The following MTA3 variants were observed in gnomAD, a reference collection of about 807,000 sequenced individuals.
MTA3 encodes the protein metastasis associated 1 family member 3.
A neutral mutation model predicts 83.5 loss-of-function variants in MTA3; 34 were observed. The observed-to-expected ratio is 0.41, with a 90% confidence interval of 0.31 to 0.54. The LOEUF (loss-of-function observed/expected upper bound fraction) is 0.54. Ranked by LOEUF, MTA3 falls within the 20% of genes least tolerant of loss-of-function variation. The pLI is 0.33. For missense variants in MTA3, 761 were observed against 726.4 expected, an observed-to-expected ratio of 1.05 and a Z score of -0.55; for synonymous variants, 303 against 252.7, an observed-to-expected ratio of 1.20 and a Z score of -1.89.
intron 16 of MTA3, among the ~76,000 whole-genome samples, chr2:42,726,495 TC>T (rs1337522481): frequency 5.3e-5 from 8 of 152,032 alleles, no homozygotes; most frequent in African/African-American, 1.7e-4. Flanking sequence ...CCTAATGCTA[TC>T]CCTCCCCACT....
At chr2:42,594,338 G>T (rs974340091) in intron 3 of MTA3, among the ~76,000 whole-genome samples, 2 of 145,880 alleles carry the variant, frequency 1.4e-5, no homozygotes, top group African/African-American at 5.1e-5. Context: ...CCGGGCTCAA[G>T]CAATTCTTAT....
chr2:42,558,077 C>T (rs968017868), intron 2 of MTA3, among the ~76,000 whole-genome samples: 1 of 152,044 alleles, frequency 6.6e-6, no homozygotes, highest in Non-Finnish European at 1.5e-5. Context: ...TCCAGTTTGT[C>T]GGTTGGACCA....
At chr2:42,586,477 AACACACAC>A (rs573814961) in intron 3 of MTA3, among the ~76,000 whole-genome samples, 49 of 72,714 alleles carry the variant, frequency 6.7e-4, no homozygotes, top group East Asian at 2.1e-3. Context: ...AAGGAAGGAA[AACACACAC>A]ACACACACAC....
chr2:42,677,975 A>G (rs1691536197), intron 8 of MTA3, among the ~76,000 whole-genome samples: 1 of 152,212 alleles, frequency 6.6e-6, no homozygotes, highest in Non-Finnish European at 1.5e-5. Flanking sequence ...ATCATGAATA[A>G]TGGGGTACAT....
chr2:42,696,795 A>C (rs561926896), intron 10 of MTA3, among the ~76,000 whole-genome samples: 1 of 152,318 alleles, frequency 6.6e-6, no homozygotes, highest in African/African-American at 2.4e-5. Flanking sequence ...TGAGGTCACA[A>C]ATAGTGAATA....
intron 15 of MTA3, among the ~76,000 whole-genome samples, chr2:42,720,852 G>A (rs1013720658): frequency 6.6e-6 from 1 of 150,418 alleles, no homozygotes; most frequent in Non-Finnish European, 1.5e-5. Flanking sequence ...GGAGACTGAG[G>A]TGGGAGGATT....
At chr2:42,639,063 C>CT (rs563252870) in intron 4 of MTA3, among the ~76,000 whole-genome samples, 2,346 of 138,696 alleles carry the variant, frequency 0.017, 53 homozygotes, top group African/African-American at 0.047. Flanking sequence ...TTCTTTCTTT[C>CT]TTTTTTTTTT....
At chr2:42,725,460 CA>C (rs1667742519) in intron 16 of MTA3, among the ~76,000 whole-genome samples, 1 of 152,202 alleles carries the variant, frequency 6.6e-6, no homozygotes, top group Admixed American at 6.5e-5. Flanking sequence ...GTTATTTCAA[CA>C]GCTAATTTCA....
intron 15 of MTA3, among the ~76,000 whole-genome samples, chr2:42,720,180 T>A (rs1242793616): frequency 6.9e-6 from 1 of 144,668 alleles, no homozygotes; most frequent in Admixed American, 6.9e-5. Flanking sequence ...TATTTATTTA[T>A]TTTATTTATT....
chr2:42,622,408 G>A (rs562591604), intron 4 of MTA3, among the ~76,000 whole-genome samples: 1 of 151,230 alleles, frequency 6.6e-6, no homozygotes, highest in East Asian at 2.0e-4. Flanking sequence ...GAGAGGGGTA[G>A]GGGGAGGTAG....
At chr2:42,740,389 G>A (rs1558634917) in intron 16 of MTA3, among the ~76,000 whole-genome samples, 1 of 152,186 alleles carries the variant, frequency 6.6e-6, no homozygotes, top group Non-Finnish European at 1.5e-5. Flanking sequence ...CACATGGCCT[G>A]TAGTCCCAGC....
At chr2:42,737,148 G>A (rs1668668790) in intron 16 of MTA3, among the ~76,000 whole-genome samples, 1 of 152,216 alleles carries the variant, frequency 6.6e-6, no homozygotes, top group Non-Finnish European at 1.5e-5. Flanking sequence ...CTCACTAGGT[G>A]ATATGCTCCC....
chr2:42,738,070 T>C (rs1026410382), intron 16 of MTA3, among the ~76,000 whole-genome samples: 3 of 152,188 alleles, frequency 2.0e-5, no homozygotes, highest in Non-Finnish European at 2.9e-5. Context: ...GAGATCAGCA[T>C]TGGCAACATG....
chr2:42,513,048 C>T (rs1425574825), intron 2 of MTA3, among the ~76,000 whole-genome samples: 1 of 151,982 alleles, frequency 6.6e-6, no homozygotes, highest in Non-Finnish European at 1.5e-5. Flanking sequence ...TAAATCAGTC[C>T]CCATGGCATC....
chr2:42,494,272 A>C (rs1674027232), upstream of MTA3, among the ~76,000 whole-genome samples: 1 of 151,532 alleles, frequency 6.6e-6, no homozygotes, highest in African/African-American at 2.4e-5. Context: ...CAGCGCCGGG[A>C]TGCCTGCTCC....
At chr2:42,574,135 T>A (rs890492139) in intron 2 of MTA3, among the ~76,000 whole-genome samples, 2 of 116,582 alleles carry the variant, frequency 1.7e-5, no homozygotes, top group African/African-American at 3.3e-5. Context: ...CGCGCCCGGC[T>A]TTTTTTTTTT....
chr2:42,665,775 G>C (rs1690178542), intron 8 of MTA3, among the ~76,000 whole-genome samples: 1 of 152,206 alleles, frequency 6.6e-6, no homozygotes, highest in Non-Finnish European at 1.5e-5. Context: ...GCCTTCTAGA[G>C]AAGACTGTTT....
chr2:42,637,886 T>C (rs1002181994), intron 4 of MTA3, among the ~76,000 whole-genome samples: 1 of 152,174 alleles, frequency 6.6e-6, no homozygotes, highest in African/African-American at 2.4e-5. Context: ...TTTTAAAGTA[T>C]GCTATATTGT....
chr2:42,615,382 G>A (rs1684738189), intron 4 of MTA3, among the ~76,000 whole-genome samples: 1 of 149,762 alleles, frequency 6.7e-6, no homozygotes, highest in South Asian at 2.1e-4. Flanking sequence ...ATGGATTCTC[G>A]CTCTGTCACC....
Sources: allele counts gnomAD v4.1 joint callset (sites outside exome capture counted in the v4.1 genomes callset), GRCh38; gene constraint gnomAD v4.1.1; transcripts MANE v1.5; gene names NCBI Gene and HGNC (gene_info 2026-07-23, HGNC 2026-07-21).